Variants in HSPA12A observed in about 807,000 individuals in gnomAD.
The protein encoded by HSPA12A is heat shock 70 kDa protein 12A.
In HSPA12A, 28 loss-of-function variants were observed where a neutral mutation model predicts 69.2. The observed-to-expected ratio is 0.40, with a 90% CI of 0.30 to 0.55. The LOEUF (loss-of-function observed/expected upper bound fraction) is 0.55. Ranked by LOEUF, HSPA12A falls within the 20% of genes least tolerant of loss-of-function variation. The pLI, the probability that HSPA12A is intolerant of heterozygous loss-of-function variation, is 0.38. For missense variants in HSPA12A, 686 were observed against 900.7 expected (o/e 0.76, Z 3.05); for synonymous variants, 345 against 370.5 (o/e 0.93, Z 0.79).
At chr10:116,770,265 C>T (rs371641882) in intron 2 of HSPA12A, among the ~76,000 whole-genome samples, 4 of 152,136 alleles carry the variant, frequency 2.6e-5, no homozygotes, top group Admixed American at 1.3e-4. Flanking sequence ...TTGGCTTATG[C>T]GGCCCCTGTG....
intron 1 of HSPA12A, among the ~76,000 whole-genome samples, chr10:116,732,328 C>CGAAAG (rs1554885907): frequency 8.1e-6 from 1 of 124,162 alleles, no homozygotes. Flanking sequence ...TCAAAAAAAA[C>CGAAAG]AAAGAAAGAA....
chr10:116,796,704 G>C (rs888311919), intron 2 of HSPA12A, among the ~76,000 whole-genome samples: 1 of 152,164 alleles, frequency 6.6e-6, no homozygotes, highest in African/African-American at 2.4e-5. Context: ...GCAGAGATTT[G>C]AGAGCAAAGC....
intron 2 of HSPA12A, among the ~76,000 whole-genome samples, chr10:116,775,651 G>A (rs908525547): frequency 5.9e-5 from 9 of 152,146 alleles, no homozygotes; most frequent in Non-Finnish European, 1.2e-4. Flanking sequence ...CTCAGTGCTC[G>A]GATGCTGGGA....
chr10:116,712,373 A>G (rs1429576211), intron 1 of HSPA12A, among the ~76,000 whole-genome samples: 1 of 152,214 alleles, frequency 6.6e-6, no homozygotes, highest in Admixed American at 6.5e-5. Flanking sequence ...AAATAAAAGT[A>G]TCAAATCCTG....
intron 2 of HSPA12A, among the ~76,000 whole-genome samples, chr10:116,818,613 G>C (rs1445076458): frequency 6.6e-6 from 1 of 152,080 alleles, no homozygotes; most frequent in Non-Finnish European, 1.5e-5. Flanking sequence ...GTATGGAAGG[G>C]GGACACAGTT....
chr10:116,813,247 AT>A (rs71013618), intron 2 of HSPA12A, among the ~76,000 whole-genome samples: 3 of 100,028 alleles, frequency 3.0e-5, no homozygotes, highest in African/African-American at 7.5e-5. Context: ...CCAGAGCTCT[AT>A]TTTTTTTTTT....
At chr10:116,708,275 C>G (rs1045144268) in intron 1 of HSPA12A, 1 of 152,090 alleles carries the variant, frequency 6.6e-6, no homozygotes, top group Non-Finnish European at 1.5e-5. Flanking sequence ...CCAGCACCAC[C>G]CTCGGTGCTC....
chr10:116,785,882 C>T (rs976408324), intron 2 of HSPA12A, among the ~76,000 whole-genome samples: 10 of 152,156 alleles, frequency 6.6e-5, no homozygotes, highest in Non-Finnish European at 1.2e-4. Context: ...ATTTCCCCCC[C>T]TCCCCTCACC....
chr10:116,819,663 G>T (rs1845374579), intron 2 of HSPA12A, among the ~76,000 whole-genome samples: 1 of 152,152 alleles, frequency 6.6e-6, no homozygotes, highest in Non-Finnish European at 1.5e-5. Flanking sequence ...TCAGCCTAAG[G>T]TATTTTGTTG....
chr10:116,770,184 T>C lies in HSPA12A; in HGVS notation c.92-62899A>G, dbSNP rs1021178276. ...AAAAACCAAGACTCAGAGAGGGCGGTGACTTGCCATGGTCACACAGACACC... is the reference window on the plus strand; with the variant it reads ...AAAAACCAAGACTCAGAGAGGGCGGCGACTTGCCATGGTCACACAGACACC... On this transcript the variant is annotated intron_variant, in intron 2 of 12. Transcript: ENST00000635765. Among the ~76,000 whole-genome samples the C allele has an allele frequency of 2.6e-5, 4 of 152,206 alleles. No homozygotes were observed. The South Asian group carries it at 8.3e-4, about 32-fold the overall frequency.
intron 1 of HSPA12A, among the ~76,000 whole-genome samples, chr10:116,733,873 G>A (rs1554886116): frequency 6.6e-6 from 1 of 152,074 alleles, no homozygotes; most frequent in Non-Finnish European, 1.5e-5. Context: ...ACGTTTTTAT[G>A]GGTTTATAGG....
chr10:116,830,077 T>C (rs1356748524), intron 2 of HSPA12A: 2 of 152,156 alleles, frequency 1.3e-5, no homozygotes, highest in African/African-American at 2.4e-5. Context: ...AAGAACAAAG[T>C]AGGACTTGTC....
At chr10:116,815,643 C>T (rs76275879) in intron 2 of HSPA12A, among the ~76,000 whole-genome samples, 1,608 of 152,218 alleles carry the variant, frequency 0.011, 23 homozygotes, top group African/African-American at 0.033. Flanking sequence ...ACTGCTACCC[C>T]GTTTTATACA....
At chr10:116,752,899 C>A (rs782451234) in intron 2 of HSPA12A, among the ~76,000 whole-genome samples, 12 of 152,214 alleles carry the variant, frequency 7.9e-5, no homozygotes, top group African/African-American at 1.4e-4. Flanking sequence ...TTACCTATAG[C>A]CCACTCTCAG....
intron 6 of HSPA12A, among the ~76,000 whole-genome samples, chr10:116,691,005 A>C (rs1849721313): frequency 6.6e-6 from 1 of 152,180 alleles, no homozygotes; most frequent in Non-Finnish European, 1.5e-5. Context: ...GAAGGCTGAC[A>C]CTATGGAGCT....
chr10:116,716,464 GT>G (rs782210316), intron 1 of HSPA12A, among the ~76,000 whole-genome samples: 20 of 151,682 alleles, frequency 1.3e-4, no homozygotes, highest in Non-Finnish European at 1.5e-4. Flanking sequence ...GGGGTGGGGG[GT>G]GTGTATGTGT....
rs1329723029 is a variant in HSPA12A, at chr10:116,672,177, A to T, written c.*2604T>A. 6.6e-6 allele frequency: 1 copy of T among 152,348 alleles called. No homozygotes were observed. The highest frequency in any genetic ancestry group is 2.1e-4 in the South Asian group (1 of 4,826). 9.4% of individuals were successfully genotyped at this position (152,348 alleles called of 1,614,324 possible). A position where few individuals can be genotyped will look rare whatever the true frequency, so the allele number is the denominator to read the frequency against. On this transcript the variant is annotated 3_prime_UTR_variant, in exon 12 of 12. Transcript: ENST00000369209. ...CCCAGCAGAAAAGCTGGGCTTATGT[A>T]CCACTTGGTTTCTTTCTTTGACCCT...
intron 2 of HSPA12A, among the ~76,000 whole-genome samples, chr10:116,754,554 C>G (rs1241374307): frequency 5.3e-5 from 8 of 152,150 alleles, no homozygotes; most frequent in Non-Finnish European, 1.2e-4. Context: ...TGTGATCTAA[C>G]AGGTGTGTAA....
At position 116,780,261 on chromosome 10, in the gene HSPA12A, C is replaced by T. The variant is rs570712637; in HGVS notation, c.91+54674G>A. Among the ~76,000 whole-genome samples the T allele has an allele frequency of 2.6e-5, 4 of 152,320 alleles. No individual in the cohort carries two copies. In the East Asian group the frequency reaches 7.7e-4, roughly 29 times the overall value. On this transcript the variant is annotated intron_variant, in intron 2 of 12. Coordinates refer to the HSPA12A transcript ENST00000635765. ...GCTCTCCCTTGAGTCCAATTCTTAACCTTCCTGTTTCATGGACTCTTCGGT... is the reference window on the plus strand; with the variant it reads ...GCTCTCCCTTGAGTCCAATTCTTAATCTTCCTGTTTCATGGACTCTTCGGT...
Sources: gnomAD v4.1 joint callset for allele counts (sites outside exome capture counted in the v4.1 genomes callset) on GRCh38, gnomAD v4.1.1 for gene constraint, MANE v1.5 for transcripts, NCBI Gene and HGNC (gene_info 2026-07-23, HGNC 2026-07-21) for gene names.